The following PEAR1 variants were observed in gnomAD, a reference collection of about 807,000 sequenced individuals.
PEAR1 encodes the protein multiple EGF-like domains protein 12.
Under a neutral mutation model 131.2 loss-of-function variants are expected in PEAR1, and 113 were observed. The ratio of observed to expected loss-of-function variants is 0.86; its 90% confidence interval spans 0.74 to 1.01. The LOEUF (loss-of-function observed/expected upper bound fraction) is 1.01. Among genes scored for constraint, PEAR1 ranks in the 50% least tolerant of loss-of-function variants. The pLI is 0.00. For missense variants in PEAR1, 1,408 were observed against 1,391.1 expected (o/e 1.01, Z -0.19); for synonymous variants, 565 against 523.3 (o/e 1.08, Z -1.09).
rs908749170 is a variant in PEAR1, at chr1:156,902,875, G to A, written c.-9-1043G>A. 1.3e-5 allele frequency among the ~76,000 whole-genome samples: 2 copies of A among 152,062 alleles called. No individual in the cohort carries two copies. Among genetic ancestry groups the A allele is most frequent in the Admixed American group, 6.5e-5 (1 of 15,272 alleles). On this transcript the variant is annotated intron_variant, in intron 1 of 22. Coordinates refer to ENST00000292357, the MANE Select transcript of PEAR1 (RefSeq NM_001080471.3). The surrounding 1 kb of genome is among the most constrained non-coding windows in gnomAD (Gnocchi z 4.3). ...TGAAGTGCTGGGAGCCAGGGGTGGTGGGGATGGAGAGGACCCCATTTCCGA... is the reference window on the plus strand; with the variant it reads ...TGAAGTGCTGGGAGCCAGGGGTGGTAGGGATGGAGAGGACCCCATTTCCGA...
rs1416029736 is a variant in PEAR1, at chr1:156,914,672, C to A, written c.2988C>A (p.Pro996=). 1.9e-6 allele frequency: 3 copies of A among 1,613,134 alleles called. No individual in the cohort carries two copies. The South Asian group carries it at 3.3e-5, about 18-fold the overall frequency. The change falls in exon 23 of 23, where the codon CCC becomes CCA. Residue 996 remains proline, a synonymous_variant. Coordinates refer to ENST00000292357, the MANE Select transcript of PEAR1 (RefSeq NM_001080471.3). The part of the protein sequence containing the change: ...IHDRDSVGSQ[P]PLPPGLPPGH... ...ACCGAGACTCTGTGGGCTCCCAGCC[C>A]CCTCTGCCTCCGGGCCTACCCCCCG...
At chr1:156,906,207 G>A (rs1650277427) in intron 4 of PEAR1, 69 bp from the exon 5 acceptor site, 1 of 1,442,920 alleles carries the variant, frequency 6.9e-7, no homozygotes, top group Admixed American at 1.7e-5. Context: ...GGTGGGGTTA[G>A]GCTTTGCAGG....
rs1223639757 is a variant in PEAR1, at chr1:156,912,536, G to A, written c.2123G>A (p.Cys708Tyr). Residue 708 changes from cysteine (C) to tyrosine (Y), a missense_variant, in exon 17 of 23, where the codon TGC becomes TAC. Coordinates refer to ENST00000292357, the MANE Select transcript of PEAR1 (RefSeq NM_001080471.3). ...GTFGANCSQP[C>Y]QCGPGEKCHP... ...TTTGGTGCTAACTGCTCCCAGCCAT[G>A]CCAGTGTGGTCCTGGAGAAAAGTGC... 3.1e-6 allele frequency: 5 copies of A among 1,613,944 alleles called. No individual in the cohort carries two copies. The highest frequency in any genetic ancestry group is 4.2e-6 in the Non-Finnish European group (5 of 1,180,026).
At chr1:156,903,531 G>T (rs567744075) in intron 1 of PEAR1, among the ~76,000 whole-genome samples, 2 of 152,280 alleles carry the variant, frequency 1.3e-5, no homozygotes, top group Admixed American at 1.3e-4. Flanking sequence ...TGGAGGTCAT[G>T]GTCAGGGAGC....
Position 156,910,100 on chromosome 1 carries a change from G to T in PEAR1, c.1670G>T (p.Gly557Val). The change falls in exon 13 of 23, where the codon GGC (glycine) becomes GTC (valine). Residue 557 changes from glycine (G) to valine (V), a missense_variant. By Grantham distance (109) the Gly-to-Val change is moderately radical. Transcript: ENST00000292357. ...PVHGRCQCQA[G>V]WMGARCHLSC... ...CATGGACGCTGTCAGTGCCAGGCTG[G>T]CTGGATGGGTGAGCATTCTGGGGCC... The T allele has an allele frequency of 6.2e-7, 1 of 1,614,166 alleles. No individual in the cohort carries two copies. The highest frequency in any genetic ancestry group is 1.1e-5 in the South Asian group (1 of 91,086).
rs1257981548 is a variant in PEAR1 at position 156,908,327 on chromosome 1, G to C, written c.1102G>C (p.Glu368Gln). The C allele has an allele frequency of 6.5e-7, 1 of 1,541,872 alleles. No individual in the cohort carries two copies. Among genetic ancestry groups the C allele is most frequent in the Non-Finnish European group, 8.7e-7 (1 of 1,147,444 alleles). The change falls in exon 9 of 23, where the codon GAG becomes CAG. Residue 368 changes from glutamate (E) to glutamine (Q), a missense_variant. Glu to Gln is a conservative substitution (Grantham distance 29). Transcript: ENST00000292357. This position sits in a 1 kb window ranked among gnomAD's most constrained non-coding sequence, Gnocchi z 4.2. ...CCAGGCCCCCTGCACCTGCGACCGG[G>C]AGCACAGCCTCAGGTGGGCCGCGGG... is the stretch of plus-strand genomic sequence containing the variant. The part of the protein sequence containing the change: ...SCQAPCTCDR[E>Q]HSLSCHPMNG...
At position 156,904,058 on chromosome 1, in the gene PEAR1, A is replaced by G. The variant is rs774043743; in HGVS notation, c.101+31A>G. 6 of 1,562,550 alleles carry G rather than the reference A, an allele frequency of 3.8e-6. No homozygotes were observed. In the East Asian group the frequency reaches 1.3e-4, roughly 35 times the overall value. ...AGGGCCCCTGCTGCACCTTGAGGGCACCAAGCCCTAGCTCCCGATTGTCCC... is the reference window on the plus strand; with the variant it reads ...AGGGCCCCTGCTGCACCTTGAGGGCGCCAAGCCCTAGCTCCCGATTGTCCC... On this transcript the variant is annotated intron_variant, in intron 2 of 22. Coordinates refer to ENST00000292357, the MANE Select transcript of PEAR1 (RefSeq NM_001080471.3).
In PEAR1 at chr1:156,908,718, G is replaced by A; in HGVS notation, c.1179G>A (p.Glu393=). The A allele has an allele frequency of 1.3e-6, 2 of 1,549,012 alleles. No homozygotes were observed. The highest frequency in any genetic ancestry group is 1.7e-6 in the Non-Finnish European group (2 of 1,151,048). Residue 393 remains glutamate (E), a synonymous_variant, in exon 10 of 23, where the codon GAG becomes GAA. Coordinates refer to ENST00000292357, the MANE Select transcript of PEAR1 (RefSeq NM_001080471.3). This position sits in a 1 kb window ranked among gnomAD's most constrained non-coding sequence, Gnocchi z 4.2. ...LPGWAGLHCN[E]SCPQDTHGPG... ...GCTGGGCGGGCCTCCACTGCAACGA[G>A]AGCTGCCCGCAGGACACGCATGGGC...
chr1:156,914,590 G>T, intron 22 of PEAR1, 57 bp from the exon 23 acceptor site: 2 of 1,539,920 alleles, frequency 1.3e-6, no homozygotes, highest in Non-Finnish European at 1.8e-6. Context: ...GGAGTGGAGG[G>T]AGTGGGGAGA....
intron 2 of PEAR1, 52 bp from the exon 3 acceptor site, chr1:156,904,696 C>G (rs1403327992): frequency 6.6e-7 from 1 of 1,525,586 alleles, no homozygotes; most frequent in Non-Finnish European, 8.8e-7. Context: ...CCCGTTGTGG[C>G]CGCTCAGGCC....
intron 19 of PEAR1, 26 bp downstream of exon 19, chr1:156,913,308 T>C (rs1651474046): frequency 6.3e-7 from 1 of 1,597,178 alleles, no homozygotes; most frequent in Non-Finnish European, 8.5e-7. Flanking sequence ...GGGGGTGCAC[T>C]GTGGAGGGAA....
At position 156,914,048 on chromosome 1, in the gene PEAR1, C is replaced by T. The variant is rs905081360; in HGVS notation, c.2910C>T (p.Pro970=). ...GGGACAGCCAGAGGCGGCGGCAACC[C>T]CAGCCACAGAGAGACAGTGGCACCT... The part of the protein sequence containing the change: ...QFWDSQRRRQ[P]QPQRDSGTYE... Residue 970 remains proline (P), a synonymous_variant, in exon 22 of 23, where the codon CCC becomes CCT. Transcript: ENST00000292357. 1 of 1,608,874 alleles carries T rather than the reference C, an allele frequency of 6.2e-7. No individual in the cohort carries two copies. The highest frequency in any genetic ancestry group is 8.5e-7 in the Non-Finnish European group (1 of 1,177,668).
At chr1:156,911,818 G>A (rs1197862520) in intron 15 of PEAR1, among the ~76,000 whole-genome samples, 1 of 152,178 alleles carries the variant, frequency 6.6e-6, no homozygotes, top group East Asian at 1.9e-4. Context: ...AGTCATCTTG[G>A]TGAAGAGTTT....
At chr1:156,905,563 C>A in intron 4 of PEAR1, 139 bp downstream of exon 4, 1 of 711,022 alleles carries the variant, frequency 1.4e-6, no homozygotes, top group Non-Finnish European at 2.2e-6. Flanking sequence ...CCTCTCCTCT[C>A]CCTGGCCTTG....
chr1:156,904,107 T>A, intron 2 of PEAR1, 80 bp downstream of exon 2: 2 of 1,140,772 alleles, frequency 1.8e-6, no homozygotes, highest in Non-Finnish European at 2.6e-6. Flanking sequence ...GGGGTCCTTT[T>A]CTTGGTCCTT....
rs1394550465 is a variant in PEAR1 at position 156,908,844 on chromosome 1, G to C, written c.1290+15G>C. ...CGGGTTACACGGTGAGGCGCGCCCG[G>C]CTGCAAGGAAGCGAGGCAGGTGGAG... On this transcript the variant is annotated intron_variant, in intron 10 of 22. Transcript: ENST00000292357. The surrounding 1 kb of genome is among the most constrained non-coding windows in gnomAD (Gnocchi z 4.2). The C allele has an allele frequency of 1.2e-6, 2 of 1,605,814 alleles. No individual in the cohort carries two copies. Among genetic ancestry groups the C allele is most frequent in the Admixed American group, 3.3e-5 (2 of 59,930 alleles).
rs1651497952 is a variant in PEAR1, at chr1:156,913,442, G to A, written c.2563G>A (p.Ala855Thr). ...SLQNPERPGG[A>T]QGHDNHTTLP... ...GCAGAACCCTGAGCGGCCAGGTGGG[G>A]CCCAAGGGCATGATAACCACACCAC... is the stretch of plus-strand genomic sequence containing the variant. The change falls in exon 20 of 23, where the codon GCC (alanine) becomes ACC (threonine). Residue 855 changes from alanine to threonine, a missense_variant. By Grantham distance (58) the Ala-to-Thr change is moderately conservative. Coordinates refer to ENST00000292357, the MANE Select transcript of PEAR1 (RefSeq NM_001080471.3). 3.1e-6 allele frequency: 5 copies of A among 1,613,722 alleles called. No individual in the cohort carries two copies. The highest frequency in any genetic ancestry group is 2.2e-5 in the South Asian group (2 of 91,096).
In PEAR1 at chr1:156,907,914, G is replaced by T; in HGVS notation, c.766-1G>T. ...GCCCTGTTGACCTCTTATCCCCACAGGGCACCATCTGCTCCCTGCCCTGCC... is the reference window on the plus strand; with the variant it reads ...GCCCTGTTGACCTCTTATCCCCACATGGCACCATCTGCTCCCTGCCCTGCC... On this transcript the variant is annotated splice_acceptor_variant, in intron 7 of 22. Coordinates refer to ENST00000292357, the MANE Select transcript of PEAR1 (RefSeq NM_001080471.3). LOFTEE classifies it high-confidence loss of function. The T allele has an allele frequency of 1.3e-6, 2 of 1,597,216 alleles. No homozygotes were observed. Among genetic ancestry groups the T allele is most frequent in the East Asian group, 2.3e-5 (1 of 43,974 alleles).
In PEAR1 at chr1:156,904,761, ACCAAGGAGTC is replaced by A. The variant is rs1299129164; in HGVS notation, c.119_128del (p.Lys40ThrfsTer38). ...CCTGTCTTGCAGCTTCACTACCACCACCAAGGAGTCCCACTCCCGCCCCTTCAGCCTGCTC... is the reference window on the plus strand; with the variant it reads ...CCTGTCTTGCAGCTTCACTACCACCACCACTCCCGCCCCTTCAGCCTGCTC... On this transcript the variant is annotated frameshift_variant, in exon 3 of 23. Transcript: ENST00000292357. LOFTEE classifies it high-confidence loss of function. The A allele has an allele frequency of 6.2e-7, 1 of 1,611,982 alleles. No homozygotes were observed. The highest frequency in any genetic ancestry group is 1.3e-5 in the African/African-American group (1 of 74,790).
Sources: gnomAD v4.1 joint callset for allele counts (sites outside exome capture counted in the v4.1 genomes callset) on GRCh38, gnomAD v4.1.1 for gene constraint, Gnocchi (gnomAD v3.1) non-coding constraint, MANE v1.5 for transcripts, NCBI Gene and HGNC (gene_info 2026-07-23, HGNC 2026-07-21) for gene names.